Variants in UTRN observed in about 807,000 individuals in gnomAD.
UTRN encodes the protein dystrophin-related protein 1.
In UTRN, 283 loss-of-function variants were observed where a neutral mutation model predicts 463.9. The ratio of observed to expected loss-of-function variants is 0.61; its 90% CI spans 0.55 to 0.67. The LOEUF is 0.67. Ranked by LOEUF, UTRN falls within the 30% of genes least tolerant of loss-of-function variation. UTRN has a pLI of 0.00. For synonymous variants in UTRN, 1,442 were observed against 1,431.5 expected (o/e 1.01, Z -0.17); for missense variants, 3,922 against 4,084.3 (o/e 0.96, Z 1.08).
chr6:144,513,877 G>T (rs746160169), intron 35 of UTRN, 32 bp from the exon 36 acceptor site: 1 of 1,605,888 alleles, frequency 6.2e-7, no homozygotes, highest in Non-Finnish European at 8.5e-7. Context: ...ATTTCATATG[G>T]TTATGTAAGC....
Position 144,516,833 on chromosome 6 carries a change from T to C in UTRN, c.5426T>C (p.Ile1809Thr), listed in dbSNP as rs770448599. The C allele has an allele frequency of 4.0e-6, 6 of 1,502,704 alleles. No homozygotes were observed. The South Asian group carries it at 7.0e-5, about 17-fold the overall frequency. The allele number at this position is 1,502,704 out of a possible 1,614,324, so 93.1% of individuals were successfully genotyped here. The change falls in exon 39 of 75, where the codon ATT (isoleucine) becomes ACT (threonine). Residue 1809 changes from isoleucine to threonine, a missense_variant. By Grantham distance (89) the Ile-to-Thr change is moderately conservative (BLOSUM62 -1). Around this residue, in one of 3 missense-constraint regions of UTRN, gnomAD observed 2,349 missense variants for 2,303.8 expected, o/e 1.02. Coordinates refer to ENST00000367545, the MANE Select transcript of UTRN (RefSeq NM_007124.3). ...TAGATGGATGAGGAGAGTGCCCAGA[T>C]TGAGGAAGTTCTACAAAGAGGAGAA... Reference protein sequence around the residue: ...DEKMDEESAQIEEVLQRGEEM... With the variant: ...DEKMDEESAQTEEVLQRGEEM...
chr6:144,381,587 G>C (rs908336116), intron 2 of UTRN, among the ~76,000 whole-genome samples: 1 of 152,194 alleles, frequency 6.6e-6, no homozygotes, highest in Admixed American at 6.5e-5. Flanking sequence ...CCCAGTGGGA[G>C]TAATTGAATC....
At position 144,286,901 on chromosome 6, in the gene UTRN, G is replaced by T. The variant is rs1803725900; in HGVS notation, c.-93+1080G>T. ...TCTTTCCCAGCCTTCAGGTCAGCCG[G>T]ATCACCAGGGCCTTGCGGGCCAGTT... On this transcript the variant is annotated intron_variant, in intron 1 of 74. Transcript: ENST00000367545. The surrounding 1 kb of genome is among the most constrained non-coding windows in gnomAD (Gnocchi z 4.4). 6.6e-6 allele frequency among the ~76,000 whole-genome samples: 1 copy of T among 152,194 alleles called. No individual in the cohort carries two copies. The highest frequency in any genetic ancestry group is 1.5e-5 in the Non-Finnish European group (1 of 68,030).
At chr6:144,688,116 C>A (rs935099356) in intron 52 of UTRN, among the ~76,000 whole-genome samples, 2 of 152,100 alleles carry the variant, frequency 1.3e-5, no homozygotes, top group African/African-American at 4.8e-5. Context: ...AGGCTTTTGA[C>A]AGAATTTTGA....
At chr6:144,678,383 T>C (rs759350484) in intron 51 of UTRN, 23 bp from the exon 52 acceptor site, 13 of 1,604,072 alleles carry the variant, frequency 8.1e-6, no homozygotes, top group Non-Finnish European at 1.1e-5. Flanking sequence ...ACTTGCATTA[T>C]CTATTTGCTT....
intron 72 of UTRN, 51 bp downstream of exon 72, chr6:144,839,335 C>A: frequency 6.8e-7 from 1 of 1,466,786 alleles, no homozygotes; most frequent in Non-Finnish European, 9.4e-7. Context: ...TTGTGCTTTG[C>A]CATTAGTTTG....
intron 61 of UTRN, among the ~76,000 whole-genome samples, chr6:144,783,736 AT>A (rs948127562): frequency 6.6e-6 from 1 of 151,864 alleles, no homozygotes; most frequent in Non-Finnish European, 1.5e-5. Flanking sequence ...TCCTCTCTCG[AT>A]TTTTTTTAAT....
At chr6:144,646,988 T>C (rs552782315) in intron 51 of UTRN, among the ~76,000 whole-genome samples, 4 of 152,344 alleles carry the variant, frequency 2.6e-5, no homozygotes, top group African/African-American at 9.6e-5. Flanking sequence ...CTGCTCTTGC[T>C]ATGCTATTTT....
In UTRN at chr6:144,797,945, A is replaced by G. The variant is rs1777372462; in HGVS notation, c.9200A>G (p.Gln3067Arg). 1 of 1,614,184 alleles carries G rather than the reference A, an allele frequency of 6.2e-7. No homozygotes were observed. The change falls in exon 64 of 75, where the codon CAG (glutamine) becomes CGG (arginine). Residue 3067 changes from glutamine (Q) to arginine (R), a missense_variant. By Grantham distance (43) the Gln-to-Arg change is conservative. Transcript: ENST00000367545. ...GCAGCAGCGGAGACTGCAAAACATC[A>G]GGCCAAATGCAACATCTGTAAAGAA... The part of the protein sequence containing the change: ...RVAAAETAKH[Q>R]AKCNICKECP...
Position 144,493,489 on chromosome 6 carries a change from G to GTC in UTRN, c.4593+52_4593+53dup, listed in dbSNP as rs57311494. ...GAGCAGCCCCACAGCTCATCTCTCT[G>GTC]TCTCTCTCTCTCTCTCTCTCAATCT... On this transcript the variant is annotated intron_variant, in intron 33 of 74. Transcript: ENST00000367545. The GTC allele has an allele frequency of 1.5e-3, 2,316 of 1,505,696 alleles. 10 individuals carry two copies. The highest frequency in any genetic ancestry group is 0.01 in the South Asian group (849 of 81,036). The allele number at this position is 1,505,696 out of a possible 1,614,324, so 93.3% of individuals were successfully genotyped here.
At chr6:144,659,120 T>A (rs1455356424) in intron 51 of UTRN, among the ~76,000 whole-genome samples, 3 of 152,224 alleles carry the variant, frequency 2.0e-5, no homozygotes, top group African/African-American at 4.8e-5. Flanking sequence ...CTTTTGTGAT[T>A]TGTATTGTTT....
intron 53 of UTRN, among the ~76,000 whole-genome samples, chr6:144,729,177 T>A (rs535648530): frequency 5.3e-5 from 8 of 152,184 alleles, no homozygotes; most frequent in Non-Finnish European, 8.8e-5. Context: ...TCATGAGATT[T>A]TCTGGATATA....
chr6:144,330,199 A>C (rs1776240362), intron 2 of UTRN, among the ~76,000 whole-genome samples: 1 of 152,186 alleles, frequency 6.6e-6, no homozygotes, highest in Non-Finnish European at 1.5e-5. Flanking sequence ...GCAGGCTCTA[A>C]GCTGGCAGAA....
chr6:144,653,368 G>A (rs12212056), intron 51 of UTRN, among the ~76,000 whole-genome samples: 20,123 of 151,996 alleles, frequency 0.13, 1,716 homozygotes, highest in South Asian at 0.27. Flanking sequence ...AGTGGATCAC[G>A]AGGTCAGGAG....
At chr6:144,688,767 G>A (rs554903822) in intron 52 of UTRN, among the ~76,000 whole-genome samples, 18 of 152,284 alleles carry the variant, frequency 1.2e-4, no homozygotes, top group African/African-American at 3.1e-4. Flanking sequence ...GTGGTCTCTT[G>A]AAGGTTATCT....
intron 54 of UTRN, among the ~76,000 whole-genome samples, chr6:144,736,584 C>T (rs1400186084): frequency 6.6e-6 from 1 of 152,114 alleles, no homozygotes; most frequent in East Asian, 1.9e-4. Context: ...TATGCTAGGC[C>T]TATTTCAATA....
chr6:144,462,524 A>G lies in UTRN; in HGVS notation c.2854-130A>G, dbSNP rs1307449738. On this transcript the variant is annotated intron_variant, in intron 22 of 74. Coordinates refer to ENST00000367545, the MANE Select transcript of UTRN (RefSeq NM_007124.3). ...GTTGAACTAATTCACACTCCCACCC[A>G]CTGTTCTTTTTAGATAAAAATGCTT... 4 of 808,390 alleles carry G rather than the reference A, an allele frequency of 4.9e-6. No homozygotes were observed. The Admixed American group carries it at 1.3e-4, about 26-fold the overall frequency. 50.1% of individuals were successfully genotyped at this position (808,390 alleles called of 1,614,324 possible).
chr6:144,629,563 G>C (rs1776299856), intron 51 of UTRN, among the ~76,000 whole-genome samples: 1 of 152,150 alleles, frequency 6.6e-6, no homozygotes, highest in African/African-American at 2.4e-5. Flanking sequence ...TCTGAGTCTT[G>C]TGATTCCATG....
intron 14 of UTRN, 45 bp downstream of exon 14, chr6:144,444,427 T>C (rs375938615): frequency 6.8e-7 from 1 of 1,461,740 alleles, no homozygotes; most frequent in African/African-American, 1.4e-5. Context: ...TGGTGAAAAG[T>C]AACCCATCTT....
Sources: gnomAD v4.1 joint callset for allele counts (sites outside exome capture counted in the v4.1 genomes callset) on GRCh38, gnomAD v4.1.1 for gene constraint, gnomAD v4.1.1 regional missense constraint, Gnocchi (gnomAD v3.1) non-coding constraint, MANE v1.5 for transcripts, NCBI Gene and HGNC (gene_info 2026-07-23, HGNC 2026-07-21) for gene names.